Variants in TOMM20 observed in about 807,000 individuals in gnomAD.
The protein encoded by TOMM20 is translocase of outer mitochondrial membrane 20, also known as mitochondrial import receptor subunit TOM20 homolog.
Under a neutral mutation model 22.1 loss-of-function variants are expected in TOMM20, and 10 were observed. The observed-to-expected ratio is 0.45, with a 90% CI of 0.28 to 0.77. TOMM20 has a LOEUF of 0.77. TOMM20 is among the 30% of genes least tolerant of loss of function. TOMM20 has a pLI of 0.13. For missense variants in TOMM20, 121 were observed against 172.2 expected, an observed-to-expected ratio of 0.70 and a Z score of 1.66; for synonymous variants, 55 against 61.4, an observed-to-expected ratio of 0.90 and a Z score of 0.49.
chr1:235,117,038 G>A (rs1266183660), intron 3 of TOMM20, among the ~76,000 whole-genome samples: 1 of 147,546 alleles, frequency 6.8e-6, no homozygotes, highest in Non-Finnish European at 1.5e-5. Context: ...GGGAGGCTGA[G>A]GCAGGAGGAT....
intron 1 of TOMM20, among the ~76,000 whole-genome samples, chr1:235,127,052 T>C (rs2102814332): frequency 6.6e-6 from 1 of 152,350 alleles, no homozygotes; most frequent in East Asian, 1.9e-4. Flanking sequence ...TCTAAAATGA[T>C]AGCTCTTGTT....
At chr1:235,116,018 C>T (rs754956577) in intron 3 of TOMM20, among the ~76,000 whole-genome samples, 23 of 152,188 alleles carry the variant, frequency 1.5e-4, no homozygotes, top group Non-Finnish European at 3.1e-4. Context: ...CAGTGAATAA[C>T]GAGCTGTCCT....
chr1:235,128,607 T>C lies in TOMM20; in HGVS notation c.109A>G (p.Arg37Gly), dbSNP rs1375158408. 3.7e-6 allele frequency: 6 copies of C among 1,612,722 alleles called. No individual in the cohort carries two copies. In the African/African-American group the frequency reaches 6.7e-5, roughly 18 times the overall value. ...AGGACCCACTCACGTTCTCGAAGCCTGTTCTTGAAGTTGGGGTCACTTCGT... is the reference window on the plus strand; with the variant it reads ...AGGACCCACTCACGTTCTCGAAGCCCGTTCTTGAAGTTGGGGTCACTTCGT... ...KRRSDPNFKN[R>G]LRERRKKQKL... is the part of the protein sequence containing the mutation. The change falls in exon 1 of 5, where the codon AGG becomes GGG. Residue 37 changes from arginine to glycine, a missense_variant. Transcript: ENST00000366607.
At position 235,122,248 on chromosome 1, in the gene TOMM20, T is replaced by G. The variant is rs1660942339; in HGVS notation, c.168+78A>C. The stretch of plus-strand genomic sequence containing the variant: ...TCAACTAGCTTTTTCCAATTACATT[T>G]TAATTACATTTCCAATTACAGATTT... On this transcript the variant is annotated intron_variant, in intron 2 of 4. Transcript: ENST00000366607. 4 of 1,287,174 alleles carry G rather than the reference T, an allele frequency of 3.1e-6. 1 individual carries two copies. In the South Asian group the frequency reaches 5.7e-5, roughly 18 times the overall value. 79.7% of individuals were successfully genotyped at this position (1,287,174 alleles called of 1,614,324 possible). A position where few individuals can be genotyped will look rare whatever the true frequency, so the allele number is the denominator to read the frequency against.
At chr1:235,124,663 G>A (rs1220556096) in intron 1 of TOMM20, among the ~76,000 whole-genome samples, 2 of 152,218 alleles carry the variant, frequency 1.3e-5, no homozygotes, top group African/African-American at 4.8e-5. Flanking sequence ...AAGTGAAACT[G>A]AGTCATAAGT....
In TOMM20 at chr1:235,120,869, C is replaced by CAAAA. The variant is rs752792267; in HGVS notation, c.169-974_169-971dup. On this transcript the variant is annotated intron_variant, in intron 2 of 4. Transcript: ENST00000366607. ...TGGGTGACAGGGTGAGACCCTGTCTCAAAAAAAAAAAAAAAAGAGGCCATT... is the reference window on the plus strand; with the variant it reads ...TGGGTGACAGGGTGAGACCCTGTCTCAAAAAAAAAAAAAAAAAAAAGAGGCCATT... 3.1e-3 allele frequency among the ~76,000 whole-genome samples: 313 copies of CAAAA among 100,162 alleles called. 4 individuals carry two copies. Among genetic ancestry groups the CAAAA allele is most frequent in the African/African-American group, 8.9e-3 (230 of 25,930 alleles). The allele number at this position is 100,162 out of a possible 152,430, so 65.7% of individuals were successfully genotyped here.
At chr1:235,116,474 A>C (rs531958492) in intron 3 of TOMM20, among the ~76,000 whole-genome samples, 1 of 151,868 alleles carries the variant, frequency 6.6e-6, no homozygotes, top group South Asian at 2.1e-4. Flanking sequence ...GGAAGACGGA[A>C]GTTGCAGTGA....
chr1:235,116,494 T>C (rs1392968484), intron 3 of TOMM20, among the ~76,000 whole-genome samples: 3 of 150,368 alleles, frequency 2.0e-5, no homozygotes, highest in Admixed American at 6.7e-5. Flanking sequence ...AGCAAGATCA[T>C]GCCACTGCAC....
intron 1 of TOMM20, among the ~76,000 whole-genome samples, chr1:235,123,506 G>A (rs569394495): frequency 9.9e-5 from 15 of 152,248 alleles, no homozygotes; most frequent in Non-Finnish European, 1.8e-4. Flanking sequence ...CTCCCTACCT[G>A]TAGACAGAAG....
At chr1:235,120,632 T>C (rs1414109422) in intron 2 of TOMM20, among the ~76,000 whole-genome samples, 1 of 151,844 alleles carries the variant, frequency 6.6e-6, no homozygotes, top group Non-Finnish European at 1.5e-5. Flanking sequence ...CAGGCTGTAG[T>C]GCAGTAGTGT....
intron 2 of TOMM20, 38 bp downstream of exon 2, chr1:235,122,288 T>C (rs1316509185): frequency 2.1e-6 from 3 of 1,434,276 alleles, no homozygotes; most frequent in Admixed American, 4.9e-5. Flanking sequence ...ATAATATTTC[T>C]ACAAAATATA....
At chr1:235,121,025 C>T (rs770507612) in intron 2 of TOMM20, among the ~76,000 whole-genome samples, 4 of 152,062 alleles carry the variant, frequency 2.6e-5, no homozygotes, top group South Asian at 2.1e-4. Flanking sequence ...CACAGTGAAA[C>T]GCCATCTCTA....
rs755137572 is a variant in TOMM20 at position 235,109,740 on chromosome 1, A to G, written c.*2324T>C. 3.9e-5 allele frequency: 6 copies of G among 152,244 alleles called. No homozygotes were observed. The highest frequency in any genetic ancestry group is 9.6e-5 in the African/African-American group (4 of 41,468). The allele number at this position is 152,244 out of a possible 1,614,324, so 9.4% of individuals were successfully genotyped here. A position where few individuals can be genotyped will look rare whatever the true frequency, so the allele number is the denominator to read the frequency against. On this transcript the variant is annotated 3_prime_UTR_variant, in exon 5 of 5. Coordinates refer to ENST00000366607, the MANE Select transcript of TOMM20 (RefSeq NM_014765.3). The stretch of plus-strand genomic sequence containing the variant: ...TAAGTACAAATTGTGGAACAAAACT[A>G]TATCTTTGCCCAAAGAAGCACATCA...
At chr1:235,127,862 C>T (rs1254331626) in intron 1 of TOMM20, 3 of 519,036 alleles carry the variant, frequency 5.8e-6, no homozygotes, top group Non-Finnish European at 1.2e-5. Context: ...TTTGGACTCC[C>T]CTGCAATTTC....
At chr1:235,127,570 ACT>A (rs1031823608) in intron 1 of TOMM20, among the ~76,000 whole-genome samples, 16 of 152,328 alleles carry the variant, frequency 1.1e-4, no homozygotes, top group African/African-American at 3.6e-4. Context: ...AACCGTAACC[ACT>A]GTTACTTAAG....
intron 2 of TOMM20, among the ~76,000 whole-genome samples, chr1:235,120,791 C>G (rs1346803600): frequency 6.9e-6 from 1 of 145,592 alleles, no homozygotes; most frequent in African/African-American, 2.6e-5. Flanking sequence ...TGCTTGAACC[C>G]ACGAGGTCGA....
At chr1:235,120,108 A>G (rs914216049) in intron 2 of TOMM20, among the ~76,000 whole-genome samples, 1 of 152,248 alleles carries the variant, frequency 6.6e-6, no homozygotes, top group African/African-American at 2.4e-5. Context: ...TTGTAGTTGA[A>G]TAATTCTTAG....
At chr1:235,122,426 A>G in intron 1 of TOMM20, 54 bp from the exon 2 acceptor site, 1 of 1,516,214 alleles carries the variant, frequency 6.6e-7, no homozygotes, top group Non-Finnish European at 8.9e-7. Flanking sequence ...AATGGGAATC[A>G]AAAGAATTCT....
At position 235,111,098 on chromosome 1, in the gene TOMM20, A is replaced by G. The variant is rs1283116685; in HGVS notation, c.*966T>C. 1.3e-5 allele frequency: 2 copies of G among 152,256 alleles called. No individual in the cohort carries two copies. Among genetic ancestry groups the G allele is most frequent in the Non-Finnish European group, 2.9e-5 (2 of 68,046 alleles). 9.4% of individuals were successfully genotyped at this position (152,256 alleles called of 1,614,324 possible). A position where few individuals can be genotyped will look rare whatever the true frequency, so the allele number is the denominator to read the frequency against. On this transcript the variant is annotated 3_prime_UTR_variant, in exon 5 of 5. Transcript: ENST00000366607. ...AAAGTTTCGGATTAATTTACAGAGT[A>G]GTGACAGAACCATATAATTTCAGTG... is the stretch of plus-strand genomic sequence containing the variant.
Sources: gnomAD v4.1 joint callset for allele counts (sites outside exome capture counted in the v4.1 genomes callset) on GRCh38, gnomAD v4.1.1 for gene constraint, MANE v1.5 for transcripts, NCBI Gene and HGNC (gene_info 2026-07-23, HGNC 2026-07-21) for gene names.